CACNA2D1: variants seen among roughly 807,000 people sequenced by gnomAD.
CACNA2D1 encodes the protein calcium voltage-gated channel auxiliary subunit alpha2delta 1, also known as voltage-dependent calcium channel subunit alpha-2/delta-1.
Under a neutral mutation model 171.5 loss-of-function variants are expected in CACNA2D1, and 53 were observed. The observed-to-expected ratio is 0.31, with a 90% CI of 0.25 to 0.39. The LOEUF (loss-of-function observed/expected upper bound fraction) is 0.39. CACNA2D1 is among the 10% of genes least tolerant of loss of function. The probability of loss-of-function intolerance (pLI) is 1.00; values close to 1 mark genes in which losing one functional copy is unlikely to be tolerated. For missense variants in CACNA2D1, 903 were observed against 1,299.8 expected (o/e 0.69, Z 4.69); for synonymous variants, 442 against 443.1 (o/e 1.00, Z 0.03).
intron 3 of CACNA2D1, among the ~76,000 whole-genome samples, chr7:82,177,902 T>A (rs750414649): frequency 1.3e-5 from 2 of 152,060 alleles, no homozygotes; most frequent in African/African-American, 2.4e-5. Context: ...GCTAAAAAAT[T>A]TTTGCAGCCA....
At chr7:82,071,841 G>A (rs747964065) in intron 7 of CACNA2D1, among the ~76,000 whole-genome samples, 2 of 152,124 alleles carry the variant, frequency 1.3e-5, no homozygotes, top group Non-Finnish European at 2.9e-5. Flanking sequence ...ATATATGCAT[G>A]ACTCTTCAAT....
chr7:82,393,176 A>G (rs1825386453), intron 1 of CACNA2D1, among the ~76,000 whole-genome samples: 1 of 149,634 alleles, frequency 6.7e-6, no homozygotes. Flanking sequence ...GCCGGGAGGG[A>G]GGGGCAATAA....
chr7:82,222,596 G>A (rs998418661), intron 3 of CACNA2D1, among the ~76,000 whole-genome samples: 3 of 152,048 alleles, frequency 2.0e-5, no homozygotes, highest in East Asian at 1.9e-4. Context: ...TCTCCTCTTC[G>A]AAGACTTCCC....
In CACNA2D1 at chr7:82,443,588, G is replaced by C. The variant is rs1830679850; in HGVS notation, c.-129C>G. ...GGCGTCTGGAGGGCTGGCTGCGCCC[G>C]GGGCCCGAGGCGCGGAGCCGCGCGG... On this transcript the variant is annotated 5_prime_UTR_variant, in exon 1 of 39. Coordinates refer to ENST00000356860, the MANE Select transcript of CACNA2D1 (RefSeq NM_000722.4). 2.1e-6 allele frequency: 3 copies of C among 1,425,734 alleles called. No homozygotes were observed. The highest frequency in any genetic ancestry group is 2.4e-4 in the Middle Eastern group (1 of 4,194). 88.3% of individuals were successfully genotyped at this position (1,425,734 alleles called of 1,614,324 possible).
intron 1 of CACNA2D1, among the ~76,000 whole-genome samples, chr7:82,372,971 C>T (rs4732448): frequency 0.62 from 94,760 of 151,778 alleles, 30,136 homozygotes; most frequent in Middle Eastern, 0.74. Flanking sequence ...GATCACTGGA[C>T]GTCAGGAGTT....
At chr7:82,047,378 C>A (rs991688777) in intron 10 of CACNA2D1, among the ~76,000 whole-genome samples, 4 of 151,988 alleles carry the variant, frequency 2.6e-5, no homozygotes, top group Non-Finnish European at 5.9e-5. Context: ...TTTCATGATA[C>A]CTGAAGCTGA....
chr7:82,331,740 A>G (rs1585527416), intron 3 of CACNA2D1, among the ~76,000 whole-genome samples: 1 of 152,196 alleles, frequency 6.6e-6, no homozygotes, highest in African/African-American at 2.4e-5. Context: ...TTTTAATCCA[A>G]TTAAGGCAAG....
In CACNA2D1 at chr7:82,219,380, T is replaced by C. The variant is rs140871086; in HGVS notation, c.295-48771A>G. 3.3e-3 allele frequency among the ~76,000 whole-genome samples: 509 copies of C among 152,232 alleles called. 2 individuals are homozygous for C. The highest frequency in any genetic ancestry group is 0.011 in the African/African-American group (470 of 41,562). On this transcript the variant is annotated intron_variant, in intron 3 of 38. Transcript: ENST00000356860. ...CTACATAATTTTTTTTCAATTTCTG[T>C]ATCACTTAAATGAAGACATCATGAT...
chr7:81,980,172 C>CAAAAAAAAAAAAAAAAAAAA (rs35616922), intron 24 of CACNA2D1, among the ~76,000 whole-genome samples: 2 of 25,254 alleles, frequency 7.9e-5, no homozygotes, highest in Non-Finnish European at 1.4e-4. Context: ...TAAAACCAAG[C>CAAAAAAAAAAAAAAAAAAAA]AAAAAAAAAA....
chr7:82,315,605 G>A lies in CACNA2D1; in HGVS notation c.294+19530C>T, dbSNP rs534716612. 1.3e-3 allele frequency among the ~76,000 whole-genome samples: 202 copies of A among 151,894 alleles called. 1 individual carries two copies. The highest frequency in any genetic ancestry group is 2.1e-3 in the Non-Finnish European group (142 of 67,906). ...TGAAAATGTTGCAAATAAAAAGAAA[G>A]GTATGCCAGAAAAAAAATCAGGTAA... On this transcript the variant is annotated intron_variant, in intron 3 of 38. Transcript: ENST00000356860.
chr7:81,969,949 T>TA lies in CACNA2D1; in HGVS notation c.2239dup (p.Tyr747LeufsTer2). 6.2e-7 allele frequency: 1 copy of TA among 1,608,766 alleles called. No individual in the cohort carries two copies. Among genetic ancestry groups the TA allele is most frequent in the Non-Finnish European group, 8.5e-7 (1 of 1,176,078 alleles). ...GCTCCTTTTATAGAAGCTGTCCTCA[T>TA]ATGTCTCTGGGTTTTCTTGCCAATT... is the stretch of plus-strand genomic sequence containing the variant. On this transcript the variant is annotated frameshift_variant, in exon 28 of 39. Coordinates refer to ENST00000356860, the MANE Select transcript of CACNA2D1 (RefSeq NM_000722.4). LOFTEE classifies it high-confidence loss of function.
intron 1 of CACNA2D1, among the ~76,000 whole-genome samples, chr7:82,373,974 A>G (rs1822719603): frequency 6.6e-6 from 1 of 152,208 alleles, no homozygotes; most frequent in African/African-American, 2.4e-5. Context: ...CATCCTGAAA[A>G]TGGAAGGCTA....
intron 1 of CACNA2D1, among the ~76,000 whole-genome samples, chr7:82,363,642 CT>C (rs1384700392): frequency 6.6e-6 from 1 of 152,108 alleles, no homozygotes; most frequent in Non-Finnish European, 1.5e-5. Context: ...CAAGGTGAGA[CT>C]TTTTATCTTG....
intron 20 of CACNA2D1, among the ~76,000 whole-genome samples, chr7:81,992,015 T>C (rs1797596425): frequency 1.3e-5 from 2 of 150,796 alleles, no homozygotes; most frequent in Non-Finnish European, 3.0e-5. Flanking sequence ...TTTTTTTTTT[T>C]TGTATTTTTA....
chr7:82,067,010 A>C (rs1807717648), intron 7 of CACNA2D1, among the ~76,000 whole-genome samples: 1 of 152,164 alleles, frequency 6.6e-6, no homozygotes, highest in Non-Finnish European at 1.5e-5. Context: ...AAGGTCAGCT[A>C]TAATTAAAAC....
At chr7:82,399,304 G>C (rs1321951672) in intron 1 of CACNA2D1, among the ~76,000 whole-genome samples, 1 of 152,014 alleles carries the variant, frequency 6.6e-6, no homozygotes, top group Non-Finnish European at 1.5e-5. Flanking sequence ...GCCAGGCGTG[G>C]TGGGGGATGA....
At chr7:82,224,223 T>C (rs916935248) in intron 3 of CACNA2D1, among the ~76,000 whole-genome samples, 5 of 152,192 alleles carry the variant, frequency 3.3e-5, no homozygotes, top group Non-Finnish European at 7.3e-5. Flanking sequence ...CTTAAAATCC[T>C]AGTTAGCATG....
In CACNA2D1 at chr7:81,984,530, C is replaced by T. The variant is rs184840383; in HGVS notation, c.1873+105G>A. On this transcript the variant is annotated intron_variant, in intron 22 of 38. Coordinates refer to ENST00000356860, the MANE Select transcript of CACNA2D1 (RefSeq NM_000722.4). ...GCTGTAGATTTGGTAATAACACCTA[C>T]TAAAATATTTCATAAGCCTTGGGTA... 7.2e-4 allele frequency: 525 copies of T among 724,422 alleles called. 2 individuals are homozygous for T. In the African/African-American group the frequency reaches 8.0e-3, roughly 11 times the overall value. The allele number at this position is 724,422 out of a possible 1,614,324, so 44.9% of individuals were successfully genotyped here. A position where few individuals can be genotyped will look rare whatever the true frequency, so the allele number is the denominator to read the frequency against.
intron 4 of CACNA2D1, among the ~76,000 whole-genome samples, chr7:82,166,484 C>A (rs1795467017): frequency 6.6e-6 from 1 of 151,932 alleles, no homozygotes. Flanking sequence ...TGTGTAAGTA[C>A]AATTAATATT....
Sources: allele counts gnomAD v4.1 joint callset (sites outside exome capture counted in the v4.1 genomes callset), GRCh38; gene constraint gnomAD v4.1.1; transcripts MANE v1.5; gene names NCBI Gene and HGNC (gene_info 2026-07-23, HGNC 2026-07-21).